The following GNB5 variants were observed in gnomAD, a reference collection of about 807,000 sequenced individuals.
GNB5 encodes the protein guanine nucleotide-binding protein subunit beta-5.
A neutral mutation model predicts 55.3 loss-of-function variants in GNB5; 37 were observed. That is an observed-to-expected ratio of 0.67 (90% CI 0.51 to 0.88). The LOEUF (loss-of-function observed/expected upper bound fraction) is 0.88. Among genes scored for constraint, GNB5 ranks in the 40% least tolerant of loss-of-function variants. The pLI, the probability that GNB5 is intolerant of heterozygous loss-of-function variation, is 0.00. For missense variants in GNB5, 476 were observed against 515.3 expected (o/e 0.92, Z 0.74); for synonymous variants, 219 against 198.5 (o/e 1.10, Z -0.87).
Position 52,136,153 on chromosome 15 carries a change from CA to C in GNB5, c.628-398del, listed in dbSNP as rs1566935749. Among the ~76,000 whole-genome samples, 137 of 138,008 alleles carry C rather than the reference CA, an allele frequency of 9.9e-4. 2 individuals carry two copies. Among genetic ancestry groups the C allele is most frequent in the African/African-American group, 2.6e-3 (91 of 34,998 alleles). The allele number at this position is 138,008 out of a possible 152,430, so 90.5% of individuals were successfully genotyped here. ...ACACACACACACACACACACACACA[CA>C]CACACACACACACACACACCCTACC... is the stretch of plus-strand genomic sequence containing the variant. On this transcript the variant is annotated intron_variant, in intron 7 of 12. Coordinates refer to ENST00000261837, the MANE Select transcript of GNB5 (RefSeq NM_016194.4).
In GNB5 at chr15:52,124,517, C is replaced by T. The variant is rs372011977; in HGVS notation, c.1132G>A (p.Asp378Asn). 71 of 1,613,838 alleles carry T rather than the reference C, an allele frequency of 4.4e-5. No individual in the cohort carries two copies. Among genetic ancestry groups the T allele is most frequent in the Non-Finnish European group, 5.6e-5 (66 of 1,179,808 alleles). The change falls in exon 12 of 13, where the codon GAT becomes AAT. Residue 378 changes from aspartate (D) to asparagine (N), a missense_variant. By Grantham distance (23) the Asp-to-Asn change is conservative. Transcript: ENST00000261837. ...GATCCAGAGCAGAAAGCAGTCCCAT[C>T]GGGGGAAACTCGTAGAGTGCTAACG... ...NRVSTLRVSP[D>N]GTAFCSGSWD...
chr15:52,161,128 G>T (rs970416211), intron 3 of GNB5, among the ~76,000 whole-genome samples: 1 of 152,176 alleles, frequency 6.6e-6, no homozygotes, highest in Non-Finnish European at 1.5e-5. Flanking sequence ...GGAGCTCAGA[G>T]AGGCTAAGGA....
At chr15:52,169,559 A>AG (rs2034518693) in intron 3 of GNB5, among the ~76,000 whole-genome samples, 1 of 145,936 alleles carries the variant, frequency 6.9e-6, no homozygotes, top group African/African-American at 2.7e-5. Flanking sequence ...AAAAAAAAAA[A>AG]AAAAGAAAAG....
chr15:52,189,617 T>C (rs1289106025), intron 1 of GNB5, among the ~76,000 whole-genome samples: 6 of 152,096 alleles, frequency 3.9e-5, no homozygotes. Context: ...CACATAAAAA[T>C]GTACATACTA....
chr15:52,139,028 G>A (rs879307902), intron 7 of GNB5: 5 of 152,084 alleles, frequency 3.3e-5, no homozygotes, highest in African/African-American at 9.7e-5. Flanking sequence ...CATACCAGCC[G>A]CTTGAGTTTC....
At chr15:52,166,222 C>G (rs545092581) in intron 3 of GNB5, among the ~76,000 whole-genome samples, 2 of 152,136 alleles carry the variant, frequency 1.3e-5, no homozygotes, top group South Asian at 4.1e-4. Context: ...AAGAGACTTA[C>G]ACTCCCACAC....
chr15:52,150,042 G>T (rs1029028211), intron 4 of GNB5, 117 bp from the exon 5 acceptor site: 4 of 766,544 alleles, frequency 5.2e-6, no homozygotes, highest in African/African-American at 5.1e-5. Flanking sequence ...CCAGAATGAG[G>T]ATCTGGATAA....
chr15:52,122,797 G>A (rs1319471882), intron 12 of GNB5, 29 bp from the exon 13 acceptor site: 2 of 1,583,568 alleles, frequency 1.3e-6, no homozygotes, highest in Non-Finnish European at 1.7e-6. Flanking sequence ...ATAGTTTTTA[G>A]ACCTTTGTAG....
intron 7 of GNB5, among the ~76,000 whole-genome samples, chr15:52,140,459 C>T (rs2033827146): frequency 1.3e-5 from 2 of 152,318 alleles, no homozygotes; most frequent in African/African-American, 4.8e-5. Flanking sequence ...ACCCCTCCTG[C>T]TCGGAGCTCC....
At position 52,170,843 on chromosome 15, in the gene GNB5, T is replaced by C. The variant is rs2034541049; in HGVS notation, c.238+8925A>G. Among the ~76,000 whole-genome samples, 3 of 152,064 alleles carry C rather than the reference T, an allele frequency of 2.0e-5. No individual in the cohort carries two copies. In the South Asian group the frequency reaches 6.2e-4, roughly 32 times the overall value. On this transcript the variant is annotated intron_variant, in intron 3 of 12. Coordinates refer to ENST00000261837, the MANE Select transcript of GNB5 (RefSeq NM_016194.4). ...TCATGAGGCTGGGCGTGGTGGCTCA[T>C]GCCTGTAATCCCAGCACTTTGAGAG...
chr15:52,131,843 A>G (rs2033585554), intron 9 of GNB5, among the ~76,000 whole-genome samples: 1 of 152,172 alleles, frequency 6.6e-6, no homozygotes, highest in African/African-American at 2.4e-5. Flanking sequence ...AACTGTCTCA[A>G]CAGTACCATC....
chr15:52,167,528 G>A (rs1055302923), intron 3 of GNB5, among the ~76,000 whole-genome samples: 11 of 151,960 alleles, frequency 7.2e-5, no homozygotes, highest in African/African-American at 1.4e-4. Context: ...AAAATTAGCC[G>A]GGCGTGGTGG....
chr15:52,147,299 G>A, intron 6 of GNB5, 160 bp downstream of exon 6: 2 of 598,244 alleles, frequency 3.3e-6, no homozygotes, highest in Non-Finnish European at 6.2e-6. Context: ...CACTGTGCTG[G>A]CTTATGGTTT....
intron 7 of GNB5, chr15:52,137,937 A>G: frequency 7.8e-7 from 1 of 1,287,180 alleles, no homozygotes; most frequent in South Asian, 1.2e-5. Context: ...GCGGATGATT[A>G]CTGATGGCTG....
At chr15:52,142,686 C>CT (rs1204969898) in intron 6 of GNB5, among the ~76,000 whole-genome samples, 1 of 152,100 alleles carries the variant, frequency 6.6e-6, no homozygotes, top group Admixed American at 6.6e-5. Context: ...CAGCCTTACC[C>CT]TAAGGTGCCC....
chr15:52,167,023 C>T (rs2034464403), intron 3 of GNB5, among the ~76,000 whole-genome samples: 1 of 152,102 alleles, frequency 6.6e-6, no homozygotes, highest in Non-Finnish European at 1.5e-5. Context: ...GAAATACAAA[C>T]AACCATCAGA....
At chr15:52,150,720 C>T (rs1596078499) in intron 4 of GNB5, among the ~76,000 whole-genome samples, 5 of 152,224 alleles carry the variant, frequency 3.3e-5, no homozygotes, top group Admixed American at 2.6e-4. Flanking sequence ...GTTGTGACTA[C>T]AGCATCATCT....
chr15:52,137,929 GGAT>G, intron 7 of GNB5: 1 of 1,287,118 alleles, frequency 7.8e-7, no homozygotes, highest in Non-Finnish European at 1.0e-6. Flanking sequence ...AGCCCTTTGC[GGAT>G]GATTACTGAT....
intron 9 of GNB5, chr15:52,128,907 C>T (rs142041205): frequency 5.3e-5 from 19 of 361,320 alleles, no homozygotes; most frequent in African/African-American, 1.7e-4. Context: ...TAAACCCCTC[C>T]GCTCTGCCTC....
Sources: gnomAD v4.1 joint callset for allele counts (sites outside exome capture counted in the v4.1 genomes callset) on GRCh38, gnomAD v4.1.1 for gene constraint, MANE v1.5 for transcripts, NCBI Gene and HGNC (gene_info 2026-07-23, HGNC 2026-07-21) for gene names.